AHCYL1: variants seen among roughly 807,000 people sequenced by gnomAD.
The protein encoded by AHCYL1 is S-adenosylhomocysteine hydrolase-like protein 1.
In AHCYL1, 20 loss-of-function variants were observed where a neutral mutation model predicts 79.3. That is an observed-to-expected ratio of 0.25 (90% confidence interval 0.18 to 0.37). The LOEUF is 0.37. AHCYL1 is among the 10% of genes least tolerant of loss of function. The pLI is 1.00. For missense variants in AHCYL1, 330 were observed against 673.6 expected (o/e 0.49, Z 5.65); for synonymous variants, 223 against 242.2 (o/e 0.92, Z 0.74).
At position 110,022,975 on chromosome 1, in the gene AHCYL1, T is replaced by G. The variant is rs1390378727; in HGVS notation, c.*1295T>G. On this transcript the variant is annotated 3_prime_UTR_variant, in exon 17 of 17. Coordinates refer to ENST00000369799, the MANE Select transcript of AHCYL1 (RefSeq NM_006621.7). The stretch of plus-strand genomic sequence containing the variant: ...GCTCTGAAAGAATATCCAGAGAGGC[T>G]CTCTCAAAGATCAGGGAGATGTATT... 1 of 152,620 alleles carries G rather than the reference T, an allele frequency of 6.6e-6. No homozygotes were observed. The highest frequency in any genetic ancestry group is 2.4e-5 in the African/African-American group (1 of 41,446). The allele number at this position is 152,620 out of a possible 1,614,324, so 9.5% of individuals were successfully genotyped here.
intron 1 of AHCYL1, 125 bp downstream of exon 1, chr1:109,985,297 G>A: frequency 7.1e-7 from 1 of 1,416,058 alleles, no homozygotes; most frequent in Non-Finnish European, 9.3e-7. Context: ...GGTGATGTAG[G>A]GGGTGGCGGC....
rs377058308 is a variant in AHCYL1, at chr1:110,002,073, C to T, written c.121-6961C>T. Among the ~76,000 whole-genome samples, 19 of 152,104 alleles carry T rather than the reference C, an allele frequency of 1.2e-4. 1 individual carries two copies. The East Asian group carries it at 2.1e-3, about 17-fold the overall frequency. On this transcript the variant is annotated intron_variant, in intron 1 of 16. Transcript: ENST00000369799. The stretch of plus-strand genomic sequence containing the variant: ...AAACAAACATTAGAGACAAGACATA[C>T]AATAGGAAAATTAAACTTTTTTTAA...
At position 110,007,071 on chromosome 1, in the gene AHCYL1, G is replaced by A. The variant is rs549615092; in HGVS notation, c.121-1963G>A. ...ATATAAGGGGAAATTATGACTATTC[G>A]GTTTTTAAGTTGCTGAAGAAACACA... On this transcript the variant is annotated intron_variant, in intron 1 of 16. Coordinates refer to ENST00000369799, the MANE Select transcript of AHCYL1 (RefSeq NM_006621.7). Among the ~76,000 whole-genome samples, 15 of 152,162 alleles carry A rather than the reference G, an allele frequency of 9.9e-5. No homozygotes were observed. The South Asian group carries it at 2.9e-3, about 29-fold the overall frequency.
intron 1 of AHCYL1, among the ~76,000 whole-genome samples, chr1:110,008,383 G>T (rs1488977159): frequency 6.6e-6 from 1 of 152,122 alleles, no homozygotes; most frequent in Admixed American, 6.5e-5. Context: ...TAATGAGTTA[G>T]AATTTACTAT....
intron 1 of AHCYL1, among the ~76,000 whole-genome samples, chr1:109,993,322 TA>T (rs1649864078): frequency 6.6e-6 from 1 of 152,244 alleles, no homozygotes; most frequent in Non-Finnish European, 1.5e-5. Context: ...CTCAAACTAT[TA>T]TATTTTAAGG....
rs1302598087 is a variant in AHCYL1 at position 110,023,584 on chromosome 1, CTG to C, written c.*1906_*1907del. On this transcript the variant is annotated 3_prime_UTR_variant, in exon 17 of 17. Coordinates refer to ENST00000369799, the MANE Select transcript of AHCYL1 (RefSeq NM_006621.7). Reference sequence around the variant, plus strand: ...CTGTCAAGCCATGTAACAAAGGACACTGTTAAAAAAAAAAAAAAGTCTGGCAT... The same window carrying C: ...CTGTCAAGCCATGTAACAAAGGACACTTAAAAAAAAAAAAAAGTCTGGCAT... 3 of 148,050 alleles carry C rather than the reference CTG, an allele frequency of 2.0e-5. No homozygotes were observed. The highest frequency in any genetic ancestry group is 3.0e-5 in the Non-Finnish European group (2 of 67,384). 9.2% of individuals were successfully genotyped at this position (148,050 alleles called of 1,614,324 possible).
intron 1 of AHCYL1, among the ~76,000 whole-genome samples, chr1:109,993,128 G>A (rs188412473): frequency 2.5e-4 from 38 of 152,242 alleles, no homozygotes; most frequent in African/African-American, 8.7e-4. Context: ...CCACTTTGGG[G>A]GAATTTTTGG....
Position 109,984,870 on chromosome 1 carries a change from TTGGGCTGCCGAACAGACAAGGCG to T in AHCYL1, c.-177_-155del. On this transcript the variant is annotated 5_prime_UTR_variant, in exon 1 of 17. Transcript: ENST00000369799. The stretch of plus-strand genomic sequence containing the variant: ...TGGCCGCCGTCGCTGTCCGGCTGCC[TTGGGCTGCCGAACAGACAAGGCG>T]TGGGCCACAGCACCTCAGAAGCCGA... 1 of 996,940 alleles carries T rather than the reference TTGGGCTGCCGAACAGACAAGGCG, an allele frequency of 1.0e-6. No homozygotes were observed. Among genetic ancestry groups the T allele is most frequent in the Non-Finnish European group, 1.3e-6 (1 of 770,122 alleles). The allele number at this position is 996,940 out of a possible 1,614,324, so 61.8% of individuals were successfully genotyped here. A position where few individuals can be genotyped will look rare whatever the true frequency, so the allele number is the denominator to read the frequency against.
intron 5 of AHCYL1, among the ~76,000 whole-genome samples, chr1:110,014,234 T>C (rs1290995695): frequency 6.6e-6 from 1 of 152,204 alleles, no homozygotes; most frequent in African/African-American, 2.4e-5. Flanking sequence ...TCCCACTACA[T>C]AGAGTATTTG....
intron 1 of AHCYL1, among the ~76,000 whole-genome samples, chr1:110,007,762 G>C (rs573790141): frequency 6.6e-6 from 1 of 152,302 alleles, no homozygotes; most frequent in Admixed American, 6.5e-5. Context: ...GTCAGATCGT[G>C]AACAGAATCT....
rs781468164 is a variant in AHCYL1, at chr1:110,016,730, G to A, written c.963G>A (p.Glu321=). The A allele has an allele frequency of 6.2e-7, 1 of 1,614,072 alleles. No individual in the cohort carries two copies. Among genetic ancestry groups the A allele is most frequent in the South Asian group, 1.1e-5 (1 of 91,070 alleles). The change falls in exon 9 of 17, where the codon GAG becomes GAA. Residue 321 remains glutamate (E), a splice_region_variant and synonymous_variant. Transcript: ENST00000369799. ...GKQVVVCGYG[E]VGKGCCAALK... is the part of the protein sequence containing the mutation. ...AAGTGGTGGTGTGTGGCTATGGTGA[G>A]GTAAATAGCTGGGTCTCAGTGTCTC...
chr1:109,997,647 G>A (rs1454606522), intron 1 of AHCYL1, among the ~76,000 whole-genome samples: 6 of 152,076 alleles, frequency 3.9e-5, no homozygotes, highest in Admixed American at 3.9e-4. Flanking sequence ...TGAAAGAATG[G>A]CCAAACCCTG....
Position 109,984,968 on chromosome 1 carries a change from G to C in AHCYL1, c.-85G>C. Reference sequence around the variant, plus strand: ...GGAGGGTGGGCGATCGCGTGTCGGAGGGCGCCGCGCGGGCAGGCGGGCGGG... The same window carrying C: ...GGAGGGTGGGCGATCGCGTGTCGGACGGCGCCGCGCGGGCAGGCGGGCGGG... On this transcript the variant is annotated 5_prime_UTR_variant, in exon 1 of 17. Coordinates refer to ENST00000369799, the MANE Select transcript of AHCYL1 (RefSeq NM_006621.7). 7.3e-7 allele frequency: 1 copy of C among 1,365,958 alleles called. No individual in the cohort carries two copies. The highest frequency in any genetic ancestry group is 9.4e-7 in the Non-Finnish European group (1 of 1,062,074). The allele number at this position is 1,365,958 out of a possible 1,614,324, so 84.6% of individuals were successfully genotyped here.
At chr1:109,998,998 A>T (rs1478848370) in intron 1 of AHCYL1, among the ~76,000 whole-genome samples, 1 of 143,362 alleles carries the variant, frequency 7.0e-6, no homozygotes, top group Non-Finnish European at 1.5e-5. Context: ...TACAAAAAAG[A>T]AAAAAAAGAT....
intron 7 of AHCYL1, 58 bp downstream of exon 7, chr1:110,015,589 C>A: frequency 7.3e-7 from 1 of 1,367,666 alleles, no homozygotes; most frequent in Non-Finnish European, 1.0e-6. Context: ...CTCTCCTGGT[C>A]TCTGTTAGGC....
Position 110,020,722 on chromosome 1 carries a change from T to C in AHCYL1, c.1466-9T>C. ...GGAGTCTGCTCTCCTGCCACTTTGCTCTTCCTAGATGAATACGTTGCCAGC... is the reference window on the plus strand; with the variant it reads ...GGAGTCTGCTCTCCTGCCACTTTGCCCTTCCTAGATGAATACGTTGCCAGC... On this transcript the variant is annotated splice_polypyrimidine_tract_variant and intron_variant, in intron 15 of 16. Coordinates refer to ENST00000369799, the MANE Select transcript of AHCYL1 (RefSeq NM_006621.7). 6.3e-7 allele frequency: 1 copy of C among 1,596,410 alleles called. No individual in the cohort carries two copies. Among genetic ancestry groups the C allele is most frequent in the Non-Finnish European group, 8.5e-7 (1 of 1,173,820 alleles).
In AHCYL1 at chr1:110,018,547, T is replaced by C. The variant is rs1651575976; in HGVS notation, c.1219-5T>C. On this transcript the variant is annotated splice_region_variant and splice_polypyrimidine_tract_variant and intron_variant, in intron 12 of 16. Coordinates refer to ENST00000369799, the MANE Select transcript of AHCYL1 (RefSeq NM_006621.7). ...CCATAGTCAACTGTGCTTTCTTCCT[T>C]TCAGACCAGCCTCCGCACTCCGGAG... 1.9e-6 allele frequency: 3 copies of C among 1,614,014 alleles called. No individual in the cohort carries two copies. The highest frequency in any genetic ancestry group is 1.3e-5 in the African/African-American group (1 of 74,914).
chr1:110,009,461 T>C (rs1354629795), intron 2 of AHCYL1, among the ~76,000 whole-genome samples: 1 of 152,240 alleles, frequency 6.6e-6, no homozygotes, highest in African/African-American at 2.4e-5. Context: ...CTATTTTGGC[T>C]GACAGAATTG....
chr1:109,994,261 G>GGTGT (rs1553186755), intron 1 of AHCYL1, among the ~76,000 whole-genome samples: 1 of 151,480 alleles, frequency 6.6e-6, no homozygotes, highest in African/African-American at 2.4e-5. Context: ...GCTATTTTGT[G>GGTGT]TTGTTTGTTT....
Sources: gnomAD v4.1 joint callset for allele counts (sites outside exome capture counted in the v4.1 genomes callset) on GRCh38, gnomAD v4.1.1 for gene constraint, MANE v1.5 for transcripts, NCBI Gene and HGNC (gene_info 2026-07-23, HGNC 2026-07-21) for gene names.